Variants in AGBL4 observed in about 807,000 individuals in gnomAD.
The protein encoded by AGBL4 is cytosolic carboxypeptidase 6.
In AGBL4, 58 loss-of-function variants were observed where a neutral mutation model predicts 66.4. The ratio of observed to expected loss-of-function variants is 0.87; its 90% CI spans 0.71 to 1.09. The LOEUF (loss-of-function observed/expected upper bound fraction) is 1.09. Ranked by LOEUF, AGBL4 falls within the 50% of genes least tolerant of loss-of-function variation. The pLI, the probability that AGBL4 is intolerant of heterozygous loss-of-function variation, is 0.00. For synonymous variants in AGBL4, 234 were observed against 222.9 expected, an observed-to-expected ratio of 1.05 and a Z score of -0.44; for missense variants, 579 against 631.0, an observed-to-expected ratio of 0.92 and a Z score of 0.88.
intron 13 of AGBL4, 138 bp from the exon 14 acceptor site, chr1:48,534,431 C>T: frequency 4.1e-6 from 5 of 1,213,532 alleles, no homozygotes; most frequent in Non-Finnish European, 5.6e-6. Flanking sequence ...CCCACAGACA[C>T]TAAAGGTGAC....
intron 5 of AGBL4, among the ~76,000 whole-genome samples, chr1:49,009,841 G>A (rs1479763159): frequency 2.0e-5 from 3 of 152,048 alleles, no homozygotes; most frequent in South Asian, 2.1e-4. Context: ...ATTCATGCTA[G>A]AAACTCTCAA....
At chr1:49,880,515 A>G (rs368051091) in intron 1 of AGBL4, among the ~76,000 whole-genome samples, 30 of 152,184 alleles carry the variant, frequency 2.0e-4, no homozygotes, top group Admixed American at 1.2e-3. Flanking sequence ...CAGTCTGCCC[A>G]TTCTCAGATC....
At chr1:48,901,533 G>A (rs561936919) in intron 5 of AGBL4, among the ~76,000 whole-genome samples, 58 of 152,094 alleles carry the variant, frequency 3.8e-4, no homozygotes, top group African/African-American at 9.9e-4. Context: ...AATACTACTC[G>A]ACAATAAAAA....
chr1:49,661,357 G>A (rs777063340), intron 3 of AGBL4, among the ~76,000 whole-genome samples: 13 of 152,092 alleles, frequency 8.5e-5, no homozygotes, highest in South Asian at 2.1e-4. Flanking sequence ...ATTGGGCTTA[G>A]TGGGAGGCGT....
chr1:48,791,087 G>A (rs1285301031), intron 6 of AGBL4, among the ~76,000 whole-genome samples: 1 of 152,134 alleles, frequency 6.6e-6, no homozygotes, highest in Non-Finnish European at 1.5e-5. Flanking sequence ...TACCTAGTCT[G>A]TGGTATTTTA....
At chr1:49,488,253 T>C (rs1647110206) in intron 3 of AGBL4, among the ~76,000 whole-genome samples, 1 of 151,750 alleles carries the variant, frequency 6.6e-6, no homozygotes, top group Non-Finnish European at 1.5e-5. Flanking sequence ...CTGTGATAAC[T>C]AATGCCCTGC....
chr1:49,583,750 AT>A (rs1444994525), intron 3 of AGBL4, among the ~76,000 whole-genome samples: 3 of 152,188 alleles, frequency 2.0e-5, no homozygotes, highest in Non-Finnish European at 4.4e-5. Flanking sequence ...AATTTTTCCT[AT>A]TTAAAGTGGC....
chr1:49,979,243 T>C (rs1300016552), intron 1 of AGBL4, among the ~76,000 whole-genome samples: 1 of 151,232 alleles, frequency 6.6e-6, no homozygotes, highest in African/African-American at 2.4e-5. Context: ...GGGTGGATCA[T>C]GAGGTCAGGA....
At chr1:49,875,931 GT>G (rs1646990275) in intron 1 of AGBL4, among the ~76,000 whole-genome samples, 2 of 148,376 alleles carry the variant, frequency 1.3e-5, no homozygotes, top group African/African-American at 2.5e-5. Flanking sequence ...TTTTTCATGT[GT>G]TTTTTGGCTG....
intron 3 of AGBL4, among the ~76,000 whole-genome samples, chr1:49,439,626 T>TC (rs1398312625): frequency 6.6e-5 from 10 of 152,218 alleles, no homozygotes; most frequent in African/African-American, 2.4e-4. Context: ...GCTGGGAAAT[T>TC]CAGACTCACC....
chr1:48,989,259 T>C (rs895963257), intron 5 of AGBL4, among the ~76,000 whole-genome samples: 7 of 152,170 alleles, frequency 4.6e-5, no homozygotes, highest in Admixed American at 4.6e-4. Flanking sequence ...ATAGTAGGTA[T>C]ATATATTTAC....
At chr1:49,075,318 G>T (rs905963105) in intron 4 of AGBL4, among the ~76,000 whole-genome samples, 1 of 152,038 alleles carries the variant, frequency 6.6e-6, no homozygotes, top group Non-Finnish European at 1.5e-5. Flanking sequence ...ATGCCATAAG[G>T]TTTTGTACAC....
intron 1 of AGBL4, among the ~76,000 whole-genome samples, chr1:49,980,635 T>A (rs1243774426): frequency 6.6e-6 from 1 of 152,188 alleles, no homozygotes; most frequent in Non-Finnish European, 1.5e-5. Flanking sequence ...TTCTATTGTA[T>A]GTATATACCA....
intron 5 of AGBL4, among the ~76,000 whole-genome samples, chr1:48,902,295 A>AAACC (rs1215407612): frequency 6.6e-6 from 1 of 152,228 alleles, no homozygotes. Flanking sequence ...TTAAAATAAA[A>AAACC]AACCATAAAC....
intron 5 of AGBL4, among the ~76,000 whole-genome samples, chr1:48,943,173 G>A (rs1389772133): frequency 6.6e-6 from 1 of 152,210 alleles, no homozygotes; most frequent in African/African-American, 2.4e-5. Context: ...TTGTGTTAGG[G>A]CTGGGGAATC....
At position 49,566,627 on chromosome 1, in the gene AGBL4, G is replaced by A. The variant is rs563983832; in HGVS notation, c.282+130686C>T. 1.9e-3 allele frequency among the ~76,000 whole-genome samples: 287 copies of A among 152,272 alleles called. 2 individuals carry two copies. Among genetic ancestry groups the A allele is most frequent in the African/African-American group, 6.4e-3 (266 of 41,550 alleles). On this transcript the variant is annotated intron_variant, in intron 3 of 13. Transcript: ENST00000371839. Reference sequence around the variant, plus strand: ...GCAGAACAGCGGATATTGGTGAACCGCAAATGCTGCTGCCTGATCGTTCCT... The same window carrying A: ...GCAGAACAGCGGATATTGGTGAACCACAAATGCTGCTGCCTGATCGTTCCT...
chr1:49,706,147 G>A (rs575481907), intron 2 of AGBL4, among the ~76,000 whole-genome samples: 2 of 152,106 alleles, frequency 1.3e-5, no homozygotes, highest in Non-Finnish European at 2.9e-5. Context: ...TTGTACTTCT[G>A]GTGGAATTCG....
chr1:48,920,855 C>A (rs1356873547), intron 5 of AGBL4, among the ~76,000 whole-genome samples: 2 of 151,684 alleles, frequency 1.3e-5, no homozygotes, highest in African/African-American at 2.4e-5. Context: ...GTAGTGGCAA[C>A]AGAACTGGCT....
chr1:49,408,489 GGAGAT>G (rs1645250079), intron 3 of AGBL4, among the ~76,000 whole-genome samples: 1 of 152,192 alleles, frequency 6.6e-6, no homozygotes. Context: ...TGTTGCCAAA[GGAGAT>G]TAACATTTGA....
Sources: allele counts gnomAD v4.1 joint callset (sites outside exome capture counted in the v4.1 genomes callset), GRCh38; gene constraint gnomAD v4.1.1; transcripts MANE v1.5; gene names NCBI Gene and HGNC (gene_info 2026-07-23, HGNC 2026-07-21).